The following PTPRM variants were observed in gnomAD, a reference collection of about 807,000 sequenced individuals.
PTPRM encodes protein tyrosine phosphatase receptor type M, also known as receptor-type tyrosine-protein phosphatase mu.
PTPRM carries 47 observed loss-of-function variants against 186.7 expected under a neutral mutation model. That is an observed-to-expected ratio of 0.25 (90% CI 0.20 to 0.32). The LOEUF (loss-of-function observed/expected upper bound fraction) is 0.32, where lower values mean the gene tolerates loss of function less well. Ranked by LOEUF, PTPRM falls within the 10% of genes least tolerant of loss-of-function variation. The pLI is 1.00. For missense variants in PTPRM, 1,494 were observed against 1,865.0 expected, an observed-to-expected ratio of 0.80 and a Z score of 3.66; for synonymous variants, 668 against 674.9, an observed-to-expected ratio of 0.99 and a Z score of 0.16.
intron 2 of PTPRM, among the ~76,000 whole-genome samples, chr18:7,828,938 C>G (rs1279384716): frequency 6.6e-6 from 1 of 152,164 alleles, no homozygotes; most frequent in Admixed American, 6.5e-5. Flanking sequence ...AACTCCTTTT[C>G]TTCTCTCTCT....
At chr18:8,026,823 A>C (rs889032978) in intron 7 of PTPRM, among the ~76,000 whole-genome samples, 47 of 152,120 alleles carry the variant, frequency 3.1e-4, no homozygotes, top group African/African-American at 9.9e-4. Flanking sequence ...GTGCCACGGC[A>C]CTCCAGCCTG....
intron 14 of PTPRM, among the ~76,000 whole-genome samples, chr18:8,159,637 C>T (rs1258691656): frequency 6.6e-6 from 1 of 152,218 alleles, no homozygotes; most frequent in South Asian, 2.1e-4. Context: ...TGTGTCCCTC[C>T]CGACAGTGCC....
intron 1 of PTPRM, among the ~76,000 whole-genome samples, chr18:7,663,884 C>T (rs2039033672): frequency 6.6e-6 from 1 of 152,148 alleles, no homozygotes; most frequent in Admixed American, 6.5e-5. Context: ...GCTGCCAGGT[C>T]CCTCTGCCCC....
chr18:8,275,055 G>A (rs541719181), intron 19 of PTPRM, among the ~76,000 whole-genome samples: 2 of 152,174 alleles, frequency 1.3e-5, no homozygotes, highest in African/African-American at 4.8e-5. Context: ...GCTAGATTTT[G>A]AAATCGTTAT....
intron 1 of PTPRM, among the ~76,000 whole-genome samples, chr18:7,647,752 T>G (rs919192032): frequency 4.6e-5 from 7 of 152,156 alleles, no homozygotes; most frequent in Non-Finnish European, 1.0e-4. Context: ...AGATCAGTGA[T>G]TCACAGCCAT....
chr18:8,078,630 G>A (rs553916417), intron 9 of PTPRM, among the ~76,000 whole-genome samples: 191 of 152,250 alleles, frequency 1.3e-3, no homozygotes, highest in African/African-American at 4.3e-3. Flanking sequence ...GTATTAGGCC[G>A]CTCTTGTTTG....
intron 1 of PTPRM, among the ~76,000 whole-genome samples, chr18:7,618,427 A>G (rs1356005133): frequency 1.3e-5 from 2 of 152,198 alleles, no homozygotes; most frequent in African/African-American, 4.8e-5. Flanking sequence ...CAGATTTATC[A>G]CAGTTTGAAA....
intron 1 of PTPRM, among the ~76,000 whole-genome samples, chr18:7,683,973 T>C (rs370506674): frequency 4.5e-4 from 68 of 152,278 alleles, no homozygotes; most frequent in African/African-American, 1.6e-3. Flanking sequence ...TTTTCAAGGC[T>C]ATCTGCCTGC....
rs67620203 is a variant in PTPRM, at chr18:8,044,756, C to CAAA, written c.1133-24915_1133-24913dup. Among the ~76,000 whole-genome samples, 386 of 104,618 alleles carry CAAA rather than the reference C, an allele frequency of 3.7e-3. 5 individuals are homozygous for CAAA. Among genetic ancestry groups the CAAA allele is most frequent in the African/African-American group, 0.014 (372 of 27,406 alleles). The allele number at this position is 104,618 out of a possible 152,430, so 68.6% of individuals were successfully genotyped here. A position where few individuals can be genotyped will look rare whatever the true frequency, so the allele number is the denominator to read the frequency against. On this transcript the variant is annotated intron_variant, in intron 7 of 32. Coordinates refer to ENST00000580170, the MANE Select transcript of PTPRM (RefSeq NM_001105244.2). ...TGGGTAACAGAGCAAGACTCTGTCT[C>CAAA]AAAAAAAAAAAAAAAAAGAAAAAAC... is the stretch of plus-strand genomic sequence containing the variant.
intron 14 of PTPRM, among the ~76,000 whole-genome samples, chr18:8,187,443 G>A (rs958860936): frequency 1.3e-5 from 2 of 152,148 alleles, no homozygotes; most frequent in African/African-American, 4.8e-5. Context: ...TGGCAGACGT[G>A]GGCTGGGCCT....
chr18:7,929,109 A>G (rs1338870993), intron 5 of PTPRM, among the ~76,000 whole-genome samples: 1 of 152,050 alleles, frequency 6.6e-6, no homozygotes, highest in Non-Finnish European at 1.5e-5. Context: ...CCAGCGTGCA[A>G]TGTTTTATTA....
chr18:7,881,756 G>T (rs1032409297), intron 2 of PTPRM, among the ~76,000 whole-genome samples: 1 of 151,978 alleles, frequency 6.6e-6, no homozygotes, highest in Non-Finnish European at 1.5e-5. Flanking sequence ...TCCATGTGCC[G>T]TGGCCTATTG....
At chr18:8,227,092 G>A (rs1173009407) in intron 14 of PTPRM, among the ~76,000 whole-genome samples, 1 of 152,156 alleles carries the variant, frequency 6.6e-6, no homozygotes. Flanking sequence ...ATTTCATTTT[G>A]CCAAGTAATG....
chr18:8,245,183 T>C (rs752115205), intron 15 of PTPRM, among the ~76,000 whole-genome samples: 1 of 152,208 alleles, frequency 6.6e-6, no homozygotes, highest in Non-Finnish European at 1.5e-5. Flanking sequence ...CCACTCCTCC[T>C]CTTCCAGATC....
At chr18:8,372,342 G>A (rs1316258906) in intron 24 of PTPRM, among the ~76,000 whole-genome samples, 1 of 151,722 alleles carries the variant, frequency 6.6e-6, no homozygotes, top group Non-Finnish European at 1.5e-5. Flanking sequence ...CCAAAGTGCT[G>A]GGATTACAGG....
At chr18:8,360,645 A>G (rs1288816884) in intron 23 of PTPRM, among the ~76,000 whole-genome samples, 1 of 152,226 alleles carries the variant, frequency 6.6e-6, no homozygotes, top group Non-Finnish European at 1.5e-5. Flanking sequence ...AAAGAAGCAC[A>G]GTCTGAAACA....
rs148752767 is a variant in PTPRM at position 8,077,243 on chromosome 18, T to G, written c.1551+679T>G. Among the ~76,000 whole-genome samples, 668 of 152,268 alleles carry G rather than the reference T, an allele frequency of 4.4e-3. 2 individuals are homozygous for G. Among genetic ancestry groups the G allele is most frequent in the African/African-American group, 0.016 (646 of 41,558 alleles). ...GTGTTTTTTTAAGCTAGCATTTATT[T>G]GAATGCAAATTCCACAAAATTATAT... On this transcript the variant is annotated intron_variant, in intron 9 of 32. Coordinates refer to ENST00000580170, the MANE Select transcript of PTPRM (RefSeq NM_001105244.2).
At chr18:7,946,177 T>A (rs939696109) in intron 5 of PTPRM, among the ~76,000 whole-genome samples, 1 of 152,238 alleles carries the variant, frequency 6.6e-6, no homozygotes, top group Non-Finnish European at 1.5e-5. Flanking sequence ...GGAGGGTTTC[T>A]TTTACTTGAG....
At chr18:7,890,101 A>G (rs759614671) in intron 3 of PTPRM, among the ~76,000 whole-genome samples, 23 of 152,220 alleles carry the variant, frequency 1.5e-4, no homozygotes, top group Admixed American at 1.3e-3. Flanking sequence ...TTTTTTGTCC[A>G]CAGCATCTTT....
Sources: gnomAD v4.1 joint callset for allele counts (sites outside exome capture counted in the v4.1 genomes callset) on GRCh38, gnomAD v4.1.1 for gene constraint, MANE v1.5 for transcripts, NCBI Gene and HGNC (gene_info 2026-07-23, HGNC 2026-07-21) for gene names.